Variants in SYT9 observed in about 807,000 individuals in gnomAD.
SYT9 encodes the protein synaptotagmin-9.
Under a neutral mutation model 48.4 loss-of-function variants are expected in SYT9, and 22 were observed. The observed-to-expected ratio is 0.45, with a 90% CI of 0.32 to 0.65. The LOEUF (loss-of-function observed/expected upper bound fraction) is 0.65. Among genes scored for constraint, SYT9 ranks in the 30% least tolerant of loss-of-function variants. The probability of loss-of-function intolerance (pLI) is 0.03; values close to 1 mark genes in which losing one functional copy is unlikely to be tolerated. For missense variants in SYT9, 577 were observed against 622.0 expected (o/e 0.93, Z 0.77); for synonymous variants, 265 against 245.0 (o/e 1.08, Z -0.76).
intron 1 of SYT9, among the ~76,000 whole-genome samples, chr11:7,244,926 G>A (rs1009936565): frequency 5.9e-5 from 9 of 152,344 alleles, no homozygotes; most frequent in African/African-American, 2.2e-4. Context: ...GGAAGTTGAT[G>A]CTAAAGGGTG....
intron 3 of SYT9, among the ~76,000 whole-genome samples, chr11:7,320,097 A>G: frequency 6.6e-6 from 1 of 152,174 alleles, no homozygotes; most frequent in East Asian, 1.9e-4. Context: ...TTTGTCTTTC[A>G]ATTGAGTAGA....
At chr11:7,382,571 T>A (rs945699098) in intron 3 of SYT9, among the ~76,000 whole-genome samples, 6 of 152,192 alleles carry the variant, frequency 3.9e-5, no homozygotes, top group African/African-American at 1.4e-4. Context: ...CTTGTATATA[T>A]GAGTCTATGG....
intron 1 of SYT9, among the ~76,000 whole-genome samples, chr11:7,282,220 A>C (rs1165451421): frequency 6.6e-6 from 1 of 152,248 alleles, no homozygotes; most frequent in East Asian, 1.9e-4. Flanking sequence ...ATTTTACTTT[A>C]TAAAATGAAA....
At chr11:7,335,921 G>C (rs1564867101) in intron 3 of SYT9, among the ~76,000 whole-genome samples, 1 of 152,062 alleles carries the variant, frequency 6.6e-6, no homozygotes, top group African/African-American at 2.4e-5. Context: ...TCGCCACACT[G>C]CTTTCCACGA....
intron 6 of SYT9, among the ~76,000 whole-genome samples, chr11:7,465,273 G>A (rs1472800739): frequency 6.6e-6 from 1 of 152,120 alleles, no homozygotes; most frequent in Non-Finnish European, 1.5e-5. Flanking sequence ...CAAAGCCACG[G>A]GTCACAATCA....
intron 3 of SYT9, among the ~76,000 whole-genome samples, chr11:7,316,324 A>G (rs1849242825): frequency 6.6e-6 from 1 of 152,022 alleles, no homozygotes. Flanking sequence ...TACTTATATC[A>G]TCATATAAAA....
chr11:7,360,581 T>C (rs975115765), intron 3 of SYT9, among the ~76,000 whole-genome samples: 1 of 151,964 alleles, frequency 6.6e-6, no homozygotes, highest in African/African-American at 2.4e-5. Flanking sequence ...CCTTGTAAGG[T>C]GGATTCCTAG....
At chr11:7,306,817 A>T (rs920289093) in intron 2 of SYT9, among the ~76,000 whole-genome samples, 2 of 152,102 alleles carry the variant, frequency 1.3e-5, no homozygotes, top group Non-Finnish European at 2.9e-5. Context: ...AATTATTTTA[A>T]GTGATTCTTT....
intron 3 of SYT9, among the ~76,000 whole-genome samples, chr11:7,316,238 A>C (rs1248992380): frequency 3.3e-5 from 5 of 152,068 alleles, no homozygotes; most frequent in African/African-American, 4.8e-5. Context: ...CATTACTTCT[A>C]TTGACCCTTG....
At chr11:7,253,869 T>G (rs1847917417) in intron 1 of SYT9, among the ~76,000 whole-genome samples, 1 of 152,222 alleles carries the variant, frequency 6.6e-6, no homozygotes. Context: ...ACAATTATTT[T>G]GCATGCTTTG....
At chr11:7,380,929 A>G (rs895193236) in intron 3 of SYT9, among the ~76,000 whole-genome samples, 2 of 152,148 alleles carry the variant, frequency 1.3e-5, no homozygotes, top group African/African-American at 4.8e-5. Flanking sequence ...GATCTTACCT[A>G]TCTGTCAGAA....
chr11:7,453,692 C>T (rs1848100188), intron 6 of SYT9, among the ~76,000 whole-genome samples: 1 of 152,164 alleles, frequency 6.6e-6, no homozygotes. Context: ...CCTGACTGAC[C>T]AGAAGCAGAC....
intron 3 of SYT9, among the ~76,000 whole-genome samples, chr11:7,362,582 T>C (rs1391554807): frequency 6.6e-6 from 1 of 152,186 alleles, no homozygotes; most frequent in African/African-American, 2.4e-5. Context: ...AGAAGGGAAA[T>C]TGAAGAATGT....
intron 3 of SYT9, among the ~76,000 whole-genome samples, chr11:7,379,643 G>A (rs922073453): frequency 6.6e-6 from 1 of 152,110 alleles, no homozygotes; most frequent in African/African-American, 2.4e-5. Context: ...CAGGAATCTT[G>A]TGTTTCTTTA....
chr11:7,451,975 G>A (rs1450118973), intron 6 of SYT9, among the ~76,000 whole-genome samples: 1 of 152,072 alleles, frequency 6.6e-6, no homozygotes, highest in African/African-American at 2.4e-5. Context: ...TAGAGAAAGA[G>A]ATAGCTAGAA....
intron 3 of SYT9, among the ~76,000 whole-genome samples, chr11:7,409,789 T>C (rs556127664): frequency 1.2e-3 from 180 of 152,244 alleles, no homozygotes; most frequent in Non-Finnish European, 1.3e-3. Flanking sequence ...ATTTTGTTTA[T>C]CTTTTTTTTG....
intron 6 of SYT9, chr11:7,439,353 G>A (rs764203062): frequency 6.6e-6 from 1 of 152,270 alleles, no homozygotes; most frequent in Non-Finnish European, 1.5e-5. Context: ...GGAGGCTGAG[G>A]AAAGTGTCAG....
intron 3 of SYT9, among the ~76,000 whole-genome samples, chr11:7,390,667 T>G (rs1850745948): frequency 6.6e-6 from 1 of 152,182 alleles, no homozygotes; most frequent in Non-Finnish European, 1.5e-5. Context: ...GAATAAAGCA[T>G]ACATTGTTTC....
intron 2 of SYT9, among the ~76,000 whole-genome samples, chr11:7,305,644 G>A (rs1183675749): frequency 6.6e-6 from 1 of 152,182 alleles, no homozygotes; most frequent in Non-Finnish European, 1.5e-5. Flanking sequence ...TGCTGAGAAA[G>A]CTCTAAACAG....
Sources: allele counts gnomAD v4.1 joint callset (sites outside exome capture counted in the v4.1 genomes callset), GRCh38; gene constraint gnomAD v4.1.1; transcripts MANE v1.5; gene names NCBI Gene and HGNC (gene_info 2026-07-23, HGNC 2026-07-21).